SYNE1: variants seen among roughly 807,000 people sequenced by gnomAD.
The protein encoded by SYNE1 is nesprin-1.
In SYNE1, 616 loss-of-function variants were observed where a neutral mutation model predicts 1,111.0. The observed-to-expected ratio is 0.55, with a 90% confidence interval of 0.52 to 0.59. SYNE1 has a LOEUF of 0.59. SYNE1 is among the 20% of genes least tolerant of loss of function. The pLI, the probability that SYNE1 is intolerant of heterozygous loss-of-function variation, is 0.00. For missense variants in SYNE1, 10,006 were observed against 10,417.0 expected, an observed-to-expected ratio of 0.96 and a Z score of 1.72; for synonymous variants, 3,855 against 3,825.8, an observed-to-expected ratio of 1.01 and a Z score of -0.28.
chr6:152,553,344 A>T (rs920954369), intron 3 of SYNE1, among the ~76,000 whole-genome samples: 5 of 152,170 alleles, frequency 3.3e-5, no homozygotes, highest in African/African-American at 9.7e-5. Context: ...GGCAATGTAG[A>T]CGCAATTCCC....
rs774119168 is a variant in SYNE1 at position 152,471,625 on chromosome 6, G to C, written c.1604C>G (p.Ser535Ter). ...GTAGTTTTGTAGAAGCTGCTCCACT[G>C]ACTCTCTCCTCCCGTACTTAATGAT... The part of the protein sequence containing the change: ...SWIIKYGRRE[S>*]VEQLLQNYVS... Residue 535 changes from serine to a stop codon, truncating the protein, a stop_gained, in exon 16 of 146, where the codon TCA becomes TGA. Coordinates refer to ENST00000367255, the MANE Select transcript of SYNE1 (RefSeq NM_182961.4). LOFTEE classifies it high-confidence loss of function. 1.9e-6 allele frequency: 3 copies of C among 1,613,948 alleles called. No individual in the cohort carries two copies. Among genetic ancestry groups the C allele is most frequent in the Non-Finnish European group, 2.5e-6 (3 of 1,179,874 alleles).
At chr6:152,328,488 C>A (rs888362658) in intron 78 of SYNE1, among the ~76,000 whole-genome samples, 1 of 151,628 alleles carries the variant, frequency 6.6e-6, no homozygotes. Flanking sequence ...TCACTGCAAC[C>A]TCTGCCTCCT....
At chr6:152,226,442 C>T (rs1208135051) in intron 115 of SYNE1, among the ~76,000 whole-genome samples, 2 of 152,152 alleles carry the variant, frequency 1.3e-5, no homozygotes, top group Non-Finnish European at 2.9e-5. Flanking sequence ...GATCCTCTCT[C>T]TCTAAAATAC....
intron 56 of SYNE1, among the ~76,000 whole-genome samples, chr6:152,378,647 C>T (rs1192149451): frequency 2.6e-5 from 4 of 152,148 alleles, no homozygotes; most frequent in African/African-American, 4.8e-5. Flanking sequence ...CTCAATGATC[C>T]TGCATCTTGA....
intron 39 of SYNE1, among the ~76,000 whole-genome samples, chr6:152,423,551 TA>T (rs1033800655): frequency 6.6e-6 from 1 of 152,224 alleles, no homozygotes; most frequent in African/African-American, 2.4e-5. Flanking sequence ...AACAGCCTCC[TA>T]ACTGGCTTCC....
At chr6:152,357,645 C>T (rs1231038014) in intron 66 of SYNE1, among the ~76,000 whole-genome samples, 1 of 152,114 alleles carries the variant, frequency 6.6e-6, no homozygotes, top group African/African-American at 2.4e-5. Context: ...CTAATGTCCT[C>T]GCCATATTAT....
chr6:152,491,198 C>G (rs1470798581), intron 11 of SYNE1, among the ~76,000 whole-genome samples: 1 of 151,690 alleles, frequency 6.6e-6, no homozygotes, highest in South Asian at 2.1e-4. Context: ...GATTATTCAC[C>G]CACATTCCAC....
intron 131 of SYNE1, among the ~76,000 whole-genome samples, chr6:152,161,388 T>C (rs17054402): frequency 0.21 from 31,697 of 150,274 alleles, 3,861 homozygotes; most frequent in African/African-American, 0.33. Flanking sequence ...CTGGCATTAT[T>C]GTTAATTTTA....
Position 152,321,765 on chromosome 6 carries a change from C to T in SYNE1, c.16039G>A (p.Gly5347Arg). The T allele has an allele frequency of 1.9e-6, 3 of 1,613,980 alleles. No homozygotes were observed. The highest frequency in any genetic ancestry group is 2.5e-6 in the Non-Finnish European group (3 of 1,179,950). The change falls in exon 83 of 146, where the codon GGG becomes AGG. Residue 5347 changes from glycine to arginine, a missense_variant. Physicochemically the swap from Gly to Arg is moderately radical, Grantham distance 125 (BLOSUM62 -2). Coordinates refer to ENST00000367255, the MANE Select transcript of SYNE1 (RefSeq NM_182961.4). ...CWVQETKEYL[G>R]NPTIEIDAQL... ...GCATCTATTTCTATTGTTGGATTCC[C>T]TAAATATTCTTTCGTTTCCTGAACC...
At position 152,331,802 on chromosome 6, in the gene SYNE1, G is replaced by A. The variant is rs781279526; in HGVS notation, c.12883C>T (p.Leu4295=). 5.0e-6 allele frequency: 8 copies of A among 1,614,120 alleles called. No individual in the cohort carries two copies. In the South Asian group the frequency reaches 7.7e-5, roughly 16 times the overall value. The part of the protein sequence containing the change: ...LQERKYAIED[L]KDQKQKMIEH... ...ATCATTTTCTGCTTTTGATCTTTCA[G>A]ATCTTCAATAGCATACTTTCTCTCC... The change falls in exon 78 of 146, where the codon CTG becomes TTG. Residue 4295 remains leucine (L), a synonymous_variant. Coordinates refer to ENST00000367255, the MANE Select transcript of SYNE1 (RefSeq NM_182961.4).
rs1010600012 is a variant in SYNE1 at position 152,256,870 on chromosome 6, G to A, written c.18973-105C>T. 6.0e-5 allele frequency: 93 copies of A among 1,537,510 alleles called. No individual in the cohort carries two copies. In the Middle Eastern group the frequency reaches 7.5e-4, roughly 12 times the overall value. ...TAGATGCTGAAAACACTGTCCATAT[G>A]AAAATTTCTTCTAGAGAAATATAAC... On this transcript the variant is annotated intron_variant, in intron 101 of 145. Transcript: ENST00000367255.
chr6:152,338,072 T>C (rs1002495766), intron 75 of SYNE1, among the ~76,000 whole-genome samples: 2 of 151,980 alleles, frequency 1.3e-5, no homozygotes, highest in African/African-American at 4.8e-5. Flanking sequence ...TGCTTGAATG[T>C]GGGAGGCGGA....
intron 75 of SYNE1, 73 bp downstream of exon 75, chr6:152,339,168 A>G: frequency 2.5e-6 from 4 of 1,585,976 alleles, no homozygotes; most frequent in Non-Finnish European, 2.6e-6. Flanking sequence ...TTTTCTTTCA[A>G]TCTCACATGA....
intron 3 of SYNE1, among the ~76,000 whole-genome samples, chr6:152,553,969 C>T (rs1005245649): frequency 6.6e-6 from 1 of 151,988 alleles, no homozygotes; most frequent in African/African-American, 2.4e-5. Flanking sequence ...ACTTTGCATC[C>T]AGGTATTGGC....
intron 110 of SYNE1, 46 bp downstream of exon 110, chr6:152,236,061 C>A: frequency 1.3e-6 from 2 of 1,591,152 alleles, no homozygotes; most frequent in Non-Finnish European, 8.6e-7. Flanking sequence ...CTTATTAATA[C>A]AATGCAGCAC....
At chr6:152,447,330 A>C (rs887967309) in intron 29 of SYNE1, 128 bp downstream of exon 29, 6 of 1,057,248 alleles carry the variant, frequency 5.7e-6, no homozygotes, top group Non-Finnish European at 6.9e-6. Flanking sequence ...CAAAAAAAGC[A>C]TAACAACAAT....
At chr6:152,602,922 A>T (rs2099599544) in intron 3 of SYNE1, among the ~76,000 whole-genome samples, 1 of 152,196 alleles carries the variant, frequency 6.6e-6, no homozygotes, top group African/African-American at 2.4e-5. Context: ...TTAAATGGAG[A>T]GGTGCCCCTT....
At chr6:152,344,009 G>A (rs899271139) in intron 74 of SYNE1, 72 bp downstream of exon 74, 19 of 1,598,552 alleles carry the variant, frequency 1.2e-5, no homozygotes, top group Middle Eastern at 1.8e-4. Flanking sequence ...GCACATCATA[G>A]GTACTTCACA....
At chr6:152,271,384 C>T (rs988354273) in intron 98 of SYNE1, among the ~76,000 whole-genome samples, 20 of 152,146 alleles carry the variant, frequency 1.3e-4, no homozygotes, top group African/African-American at 4.8e-4. Flanking sequence ...TGAGCCCACC[C>T]GAGCTCAGAG....
Sources: allele counts gnomAD v4.1 joint callset (sites outside exome capture counted in the v4.1 genomes callset), GRCh38; gene constraint gnomAD v4.1.1; transcripts MANE v1.5; gene names NCBI Gene and HGNC (gene_info 2026-07-23, HGNC 2026-07-21).